The following GALNTL6 variants were observed in gnomAD, a reference collection of about 807,000 sequenced individuals.
GALNTL6 encodes polypeptide N-acetylgalactosaminyltransferase like 6.
A neutral mutation model predicts 73.7 loss-of-function variants in GALNTL6; 46 were observed. That is an observed-to-expected ratio of 0.62 (90% CI 0.49 to 0.80). The LOEUF (loss-of-function observed/expected upper bound fraction) is 0.80. GALNTL6 is among the 30% of genes least tolerant of loss of function. The pLI is 0.00. For synonymous variants in GALNTL6, 259 were observed against 263.7 expected (o/e 0.98, Z 0.17); for missense variants, 604 against 755.0 (o/e 0.80, Z 2.34).
intron 5 of GALNTL6, among the ~76,000 whole-genome samples, chr4:172,521,867 G>T (rs1028324613): frequency 1.3e-5 from 2 of 152,136 alleles, no homozygotes; most frequent in African/African-American, 2.4e-5. Context: ...GGAGATAAAA[G>T]GTTCCACTGA....
At chr4:172,305,742 T>C (rs1740108320) in intron 3 of GALNTL6, among the ~76,000 whole-genome samples, 1 of 152,170 alleles carries the variant, frequency 6.6e-6, no homozygotes, top group South Asian at 2.1e-4. Flanking sequence ...GCTTTGTGTA[T>C]AAAAACATAC....
chr4:173,011,226 G>C (rs116184928), intron 11 of GALNTL6, among the ~76,000 whole-genome samples: 1 of 152,144 alleles, frequency 6.6e-6, no homozygotes, highest in African/African-American at 2.4e-5. Context: ...ACATAGAGTT[G>C]TTTGAGCTCC....
intron 5 of GALNTL6, among the ~76,000 whole-genome samples, chr4:172,487,787 A>C (rs1733751800): frequency 6.6e-6 from 1 of 152,162 alleles, no homozygotes; most frequent in African/African-American, 2.4e-5. Flanking sequence ...TGAAACAGAG[A>C]ACCTATGTAA....
chr4:172,976,860 A>G (rs541984518), intron 10 of GALNTL6, among the ~76,000 whole-genome samples: 1 of 152,134 alleles, frequency 6.6e-6, no homozygotes, highest in East Asian at 1.9e-4. Context: ...GTCACCAACT[A>G]AAATGCACAG....
In GALNTL6 at chr4:173,021,478, T is replaced by C; in HGVS notation, c.1491T>C (p.Leu497=). Residue 497 remains leucine, a splice_region_variant and synonymous_variant, in exon 12 of 13, where the codon CTT becomes CTC. Transcript: ENST00000506823. The stretch of plus-strand genomic sequence containing the variant: ...TTCTGCTACTGTTGCTTTGCTAGCT[T>C]TTTACCTTTGGATGGAGAGAAGATA... ...GSERTWSHEQ[L]FTFGWREDIR... The C allele has an allele frequency of 6.2e-7, 1 of 1,614,012 alleles. No individual in the cohort carries two copies. The highest frequency in any genetic ancestry group is 1.6e-4 in the Middle Eastern group (1 of 6,062).
intron 2 of GALNTL6, among the ~76,000 whole-genome samples, chr4:172,014,746 G>A (rs1741133880): frequency 6.6e-6 from 1 of 151,938 alleles, no homozygotes. Context: ...AATAGGTTGT[G>A]TTGCTGTTAT....
rs908658725 is a variant in GALNTL6, at chr4:172,898,450, A to T, written c.1041+15543A>T. ...ACTCCAAACTATCAAGATGGTATTT[A>T]AAAAAAAAAAAAAGATCTCATAAAA... On this transcript the variant is annotated intron_variant, in intron 8 of 12. Transcript: ENST00000506823. 8.0e-5 allele frequency among the ~76,000 whole-genome samples: 11 copies of T among 137,186 alleles called. No individual in the cohort carries two copies. The South Asian group carries it at 2.3e-3, about 29-fold the overall frequency. The allele number at this position is 137,186 out of a possible 152,430, so 90.0% of individuals were successfully genotyped here.
intron 7 of GALNTL6, among the ~76,000 whole-genome samples, chr4:172,833,097 T>G (rs1579542378): frequency 6.8e-6 from 1 of 146,658 alleles, no homozygotes; most frequent in African/African-American, 2.5e-5. Context: ...GGGTGGGGGG[T>G]AGGGAGTGTT....
chr4:172,053,125 C>T (rs1044986386), intron 2 of GALNTL6, among the ~76,000 whole-genome samples: 9 of 152,252 alleles, frequency 5.9e-5, no homozygotes, highest in South Asian at 4.1e-4. Flanking sequence ...AATGAACTCA[C>T]GTCTAATTAC....
At chr4:172,016,354 T>C (rs1741192989) in intron 2 of GALNTL6, among the ~76,000 whole-genome samples, 1 of 152,088 alleles carries the variant, frequency 6.6e-6, no homozygotes, top group African/African-American at 2.4e-5. Context: ...TTCTAGTCTA[T>C]TGTTGAAATT....
At chr4:172,677,731 T>C (rs1732385414) in intron 5 of GALNTL6, among the ~76,000 whole-genome samples, 1 of 151,978 alleles carries the variant, frequency 6.6e-6, no homozygotes. Flanking sequence ...GAGATCAGCC[T>C]AGATAGCAGA....
At chr4:172,694,672 G>A (rs901028416) in intron 5 of GALNTL6, among the ~76,000 whole-genome samples, 2 of 152,196 alleles carry the variant, frequency 1.3e-5, no homozygotes, top group African/African-American at 2.4e-5. Flanking sequence ...AGCAGAGACT[G>A]GAACAGCGTG....
intron 10 of GALNTL6, among the ~76,000 whole-genome samples, chr4:173,002,535 C>T (rs990965106): frequency 2.0e-5 from 3 of 151,636 alleles, no homozygotes; most frequent in African/African-American, 7.3e-5. Flanking sequence ...TGGCTCACAC[C>T]TGTAATCCCA....
At chr4:172,961,197 A>G (rs1399229783) in intron 10 of GALNTL6, among the ~76,000 whole-genome samples, 7 of 121,460 alleles carry the variant, frequency 5.8e-5, no homozygotes, top group Non-Finnish European at 1.0e-4. Flanking sequence ...CTTGCCCTCC[A>G]GGAAAGTGGA....
At chr4:172,616,638 A>G (rs1027857714) in intron 5 of GALNTL6, among the ~76,000 whole-genome samples, 2 of 145,516 alleles carry the variant, frequency 1.4e-5, no homozygotes, top group Non-Finnish European at 3.0e-5. Flanking sequence ...GGCTTGGTCT[A>G]TTTGTTCTTG....
At chr4:172,571,835 C>G (rs1016139059) in intron 5 of GALNTL6, among the ~76,000 whole-genome samples, 1 of 152,150 alleles carries the variant, frequency 6.6e-6, no homozygotes. Context: ...GAAGCCATGC[C>G]CCAGGCATTG....
At chr4:172,946,257 A>C (rs1749161759) in intron 9 of GALNTL6, among the ~76,000 whole-genome samples, 1 of 152,156 alleles carries the variant, frequency 6.6e-6, no homozygotes, top group African/African-American at 2.4e-5. Flanking sequence ...TGTAATAATC[A>C]CACCTTGCAC....
In GALNTL6 at chr4:172,383,746, C is replaced by G. The variant is rs559780125; in HGVS notation, c.553+35057C>G. 1.6e-4 allele frequency among the ~76,000 whole-genome samples: 24 copies of G among 152,152 alleles called. 1 individual carries two copies. In the South Asian group the frequency reaches 4.6e-3, roughly 29 times the overall value. On this transcript the variant is annotated intron_variant, in intron 5 of 12. Transcript: ENST00000506823. ...TGGATAATCAAGTTTAGGAAGTTCCCTTCTATTTGGTAGATGCTTTTCATC... is the reference window on the plus strand; with the variant it reads ...TGGATAATCAAGTTTAGGAAGTTCCGTTCTATTTGGTAGATGCTTTTCATC...
At position 172,926,021 on chromosome 4, in the gene GALNTL6, T is replaced by C. The variant is rs112442849; in HGVS notation, c.1042-5140T>C. Among the ~76,000 whole-genome samples the C allele has an allele frequency of 5.3e-3, 800 of 152,326 alleles. 10 individuals carry two copies. Among genetic ancestry groups the C allele is most frequent in the African/African-American group, 0.018 (754 of 41,568 alleles). ...TCTTACTTACCCATTTGGGCTGCTA[T>C]AGCAAAGTGCTACAGACTGAGTGGC... On this transcript the variant is annotated intron_variant, in intron 8 of 12. Transcript: ENST00000506823.
Sources: gnomAD v4.1 joint callset for allele counts (sites outside exome capture counted in the v4.1 genomes callset) on GRCh38, gnomAD v4.1.1 for gene constraint, MANE v1.5 for transcripts, NCBI Gene and HGNC (gene_info 2026-07-23, HGNC 2026-07-21) for gene names.